Variants in PROS1 observed in about 807,000 individuals in gnomAD.
PROS1 encodes the protein vitamin K-dependent protein S.
In PROS1, 29 loss-of-function variants were observed where a neutral mutation model predicts 75.9. That is an observed-to-expected ratio of 0.38 (90% confidence interval 0.28 to 0.52). The LOEUF (loss-of-function observed/expected upper bound fraction) is 0.52, where lower values mean the gene tolerates loss of function less well. Among genes scored for constraint, PROS1 ranks in the 20% least tolerant of loss-of-function variants. The probability of loss-of-function intolerance (pLI) is 0.83; values close to 1 mark genes in which losing one functional copy is unlikely to be tolerated. For missense variants in PROS1, 680 were observed against 810.3 expected, an observed-to-expected ratio of 0.84 and a Z score of 1.95; for synonymous variants, 245 against 280.6, an observed-to-expected ratio of 0.87 and a Z score of 1.27.
chr3:93,968,663 CAT>C (rs1365706367), intron 1 of PROS1, among the ~76,000 whole-genome samples: 3 of 152,072 alleles, frequency 2.0e-5, no homozygotes. Flanking sequence ...GGGGATCTAA[CAT>C]ATTTTCCACT....
At chr3:93,913,268 T>C (rs1024809731) in intron 3 of PROS1, among the ~76,000 whole-genome samples, 6 of 152,212 alleles carry the variant, frequency 3.9e-5, no homozygotes, top group African/African-American at 1.4e-4. Context: ...CCAAATCTCA[T>C]TTTGAATTGT....
intron 3 of PROS1, among the ~76,000 whole-genome samples, chr3:93,913,418 C>G (rs1163614363): frequency 6.6e-6 from 1 of 152,176 alleles, no homozygotes; most frequent in Non-Finnish European, 1.5e-5. Context: ...CCTGCACAAG[C>G]TCTCTTGCCT....
chr3:93,905,039 T>C (rs183037840), intron 6 of PROS1, among the ~76,000 whole-genome samples: 1 of 152,270 alleles, frequency 6.6e-6, no homozygotes, highest in Admixed American at 6.5e-5. Flanking sequence ...AGGGCTGATG[T>C]TGGAAATCAG....
rs75847037 is a variant in PROS1 at position 93,950,140 on chromosome 3, C to A, written c.77-22733G>T. Reference sequence around the variant, plus strand: ...CCAGAAGCAAGGCTGGGGGGAAGCGCGTCTGCCATTGCTGAGGCTTGAGTA... The same window carrying A: ...CCAGAAGCAAGGCTGGGGGGAAGCGAGTCTGCCATTGCTGAGGCTTGAGTA... On this transcript the variant is annotated intron_variant, in intron 1 of 14. Coordinates refer to ENST00000394236, the MANE Select transcript of PROS1 (RefSeq NM_000313.4). 2.6e-5 allele frequency among the ~76,000 whole-genome samples: 4 copies of A among 152,244 alleles called. No homozygotes were observed. The South Asian group carries it at 6.2e-4, about 24-fold the overall frequency.
intron 7 of PROS1, 127 bp from the exon 8 acceptor site, chr3:93,898,696 C>A: frequency 9.6e-7 from 1 of 1,043,356 alleles, no homozygotes; most frequent in Non-Finnish European, 1.5e-6. Flanking sequence ...GAAAGAAATA[C>A]TATGACATCA....
chr3:93,949,082 G>A (rs2107239495), intron 1 of PROS1, among the ~76,000 whole-genome samples: 1 of 152,258 alleles, frequency 6.6e-6, no homozygotes, highest in South Asian at 2.1e-4. Context: ...AATTGCTCTG[G>A]AGAAACAGGC....
intron 10 of PROS1, among the ~76,000 whole-genome samples, chr3:93,891,523 G>T (rs1450545010): frequency 6.6e-6 from 1 of 152,106 alleles, no homozygotes; most frequent in Non-Finnish European, 1.5e-5. Flanking sequence ...CGCCTCCTGG[G>T]TTTAAATGAT....
intron 6 of PROS1, among the ~76,000 whole-genome samples, chr3:93,905,279 A>C (rs1482292389): frequency 2.0e-5 from 3 of 152,216 alleles, no homozygotes; most frequent in African/African-American, 7.2e-5. Flanking sequence ...CGCACATACA[A>C]TAAGAAAATT....
intron 9 of PROS1, among the ~76,000 whole-genome samples, chr3:93,895,801 C>T (rs1349263368): frequency 6.6e-6 from 1 of 151,946 alleles, no homozygotes; most frequent in Non-Finnish European, 1.5e-5. Context: ...TCTGTCTCTA[C>T]TAAAAATACA....
chr3:93,972,953 T>C (rs1275489159), intron 1 of PROS1, among the ~76,000 whole-genome samples: 3 of 152,170 alleles, frequency 2.0e-5, no homozygotes, highest in South Asian at 4.1e-4. Context: ...GTATTCCTTA[T>C]ATATTTTTCA....
At chr3:93,967,768 A>G (rs1709812925) in intron 1 of PROS1, among the ~76,000 whole-genome samples, 1 of 152,154 alleles carries the variant, frequency 6.6e-6, no homozygotes. Flanking sequence ...ATGCACCTAT[A>G]GTCCTAGTTA....
intron 10 of PROS1, among the ~76,000 whole-genome samples, chr3:93,889,644 G>A (rs576633090): frequency 2.0e-5 from 3 of 152,290 alleles, no homozygotes; most frequent in South Asian, 2.1e-4. Flanking sequence ...CGAATGGAGG[G>A]ACTGGATGGA....
At chr3:93,901,285 G>A (rs1486673589) in intron 6 of PROS1, among the ~76,000 whole-genome samples, 1 of 152,176 alleles carries the variant, frequency 6.6e-6, no homozygotes, top group Admixed American at 6.5e-5. Context: ...ACATGGGAAG[G>A]CTCATCTCTT....
At chr3:93,928,742 C>CA in intron 1 of PROS1, 1 of 1,295,936 alleles carries the variant, frequency 7.7e-7, no homozygotes, top group Non-Finnish European at 1.0e-6. Context: ...ATAAGCCGAC[C>CA]AATACAGAAA....
At chr3:93,972,363 G>A (rs1709892866) in intron 1 of PROS1, among the ~76,000 whole-genome samples, 1 of 152,194 alleles carries the variant, frequency 6.6e-6, no homozygotes, top group African/African-American at 2.4e-5. Context: ...GATTTTTAAA[G>A]TACTGCATTC....
intron 2 of PROS1, 86 bp downstream of exon 2, chr3:93,927,164 G>T: frequency 6.6e-7 from 1 of 1,524,658 alleles, no homozygotes; most frequent in South Asian, 1.1e-5. Flanking sequence ...CTTTAAGATG[G>T]AACAGAAGGA....
intron 1 of PROS1, among the ~76,000 whole-genome samples, chr3:93,960,838 A>G (rs1709695436): frequency 1.3e-5 from 2 of 151,868 alleles, no homozygotes; most frequent in South Asian, 2.1e-4. Flanking sequence ...TGTTAATAAT[A>G]AAAATCAGAG....
chr3:93,917,410 G>A (rs545160173), intron 3 of PROS1, among the ~76,000 whole-genome samples: 3 of 152,250 alleles, frequency 2.0e-5, no homozygotes, highest in African/African-American at 7.2e-5. Context: ...AGTGATTCTT[G>A]TCCCTCAGCC....
At chr3:93,964,652 T>C (rs1326137895) in intron 1 of PROS1, among the ~76,000 whole-genome samples, 1 of 152,182 alleles carries the variant, frequency 6.6e-6, no homozygotes. Context: ...CCTTGTGATC[T>C]TTGTTCTCCC....
Sources: allele counts gnomAD v4.1 joint callset (sites outside exome capture counted in the v4.1 genomes callset), GRCh38; gene constraint gnomAD v4.1.1; transcripts MANE v1.5; gene names NCBI Gene and HGNC (gene_info 2026-07-23, HGNC 2026-07-21).